Variants in METTL15 observed in about 807,000 individuals in gnomAD.
METTL15 encodes methyltransferase 15, mitochondrial 12S rRNA N4-cytidine.
In METTL15, 34 loss-of-function variants were observed where a neutral mutation model predicts 38.3. The observed-to-expected ratio is 0.89, with a 90% CI of 0.68 to 1.18. METTL15 has a LOEUF of 1.18. METTL15 is among the 50% of genes most tolerant of loss of function. The pLI is 0.00. For synonymous variants in METTL15, 162 were observed against 170.9 expected (o/e 0.95, Z 0.41); for missense variants, 438 against 498.4 (o/e 0.88, Z 1.15).
intron 4 of METTL15, among the ~76,000 whole-genome samples, chr11:28,353,318 ATGT>A (rs1850058213): frequency 6.6e-6 from 1 of 152,208 alleles, no homozygotes; most frequent in Non-Finnish European, 1.5e-5. Context: ...GAAGAGAAAA[ATGT>A]TGTTTGAGAA....
At position 28,526,053 on chromosome 11, in the gene METTL15, A is replaced by C. The variant is rs1030380666; in HGVS notation, c.*425-425A>C. ...GCAGCTGCTGGCCCGGGTGCTAAGC[A>C]CCTCACTGCCCAGGGCCACTCTGAG... On this transcript the variant is annotated intron_variant and NMD_transcript_variant, in intron 6 of 7. Transcript: ENST00000532947. Among the ~76,000 whole-genome samples, 12 of 152,220 alleles carry C rather than the reference A, an allele frequency of 7.9e-5. No homozygotes were observed. In the East Asian group the frequency reaches 2.3e-3, roughly 29 times the overall value.
chr11:28,241,579 G>T (rs1159198047), intron 4 of METTL15, among the ~76,000 whole-genome samples: 1 of 151,860 alleles, frequency 6.6e-6, no homozygotes, highest in Non-Finnish European at 1.5e-5. Context: ...AAGCAAAGGG[G>T]ATTGGGAACA....
At chr11:28,505,213 G>C (rs1022435997) in intron 6 of METTL15, among the ~76,000 whole-genome samples, 3 of 150,772 alleles carry the variant, frequency 2.0e-5, no homozygotes, top group Non-Finnish European at 4.4e-5. Context: ...TAGAGATTCG[G>C]GTATATTTTT....
Position 28,152,106 on chromosome 11 carries a change from G to C in METTL15, c.270+38502G>C, listed in dbSNP as rs551739507. On this transcript the variant is annotated intron_variant, in intron 3 of 6. Coordinates refer to ENST00000407364, the MANE Select transcript of METTL15 (RefSeq NM_001113528.2). ...TTTAGATTTTCCCTTCTGTCTCCTG[G>C]ACCACACCTGCTACTTTATATACAT... is the stretch of plus-strand genomic sequence containing the variant. Among the ~76,000 whole-genome samples, 3 of 152,006 alleles carry C rather than the reference G, an allele frequency of 2.0e-5. No individual in the cohort carries two copies. The South Asian group carries it at 6.2e-4, about 32-fold the overall frequency.
intron 4 of METTL15, among the ~76,000 whole-genome samples, chr11:28,278,871 G>A (rs552741099): frequency 4.6e-5 from 7 of 152,124 alleles, no homozygotes; most frequent in Non-Finnish European, 8.8e-5. Flanking sequence ...CTGTCACCCA[G>A]GCTTGAGTGC....
intron 6 of METTL15, among the ~76,000 whole-genome samples, chr11:28,483,307 G>A (rs557391464): frequency 2.0e-5 from 3 of 152,196 alleles, no homozygotes; most frequent in African/African-American, 2.4e-5. Context: ...GCCTGATGTC[G>A]GATATTTAGA....
intron 6 of METTL15, among the ~76,000 whole-genome samples, chr11:28,308,643 C>T (rs997967476): frequency 2.2e-4 from 33 of 152,096 alleles, no homozygotes; most frequent in South Asian, 1.2e-3. Context: ...TTATATGAGC[C>T]GGATGCACCC....
At chr11:28,425,195 C>A (rs1300851690) in intron 6 of METTL15, among the ~76,000 whole-genome samples, 1 of 152,190 alleles carries the variant, frequency 6.6e-6, no homozygotes, top group African/African-American at 2.4e-5. Flanking sequence ...AATTGGTTTT[C>A]TGTCCATCAA....
chr11:28,446,678 C>T (rs996068550), intron 6 of METTL15, among the ~76,000 whole-genome samples: 3 of 152,072 alleles, frequency 2.0e-5, no homozygotes, highest in Non-Finnish European at 4.4e-5. Context: ...GTTCCATAGA[C>T]CTGACTATCA....
intron 5 of METTL15, among the ~76,000 whole-genome samples, chr11:28,378,706 G>C (rs1850348915): frequency 6.6e-6 from 1 of 150,998 alleles, no homozygotes; most frequent in African/African-American, 2.4e-5. Context: ...TCTTGTGTTG[G>C]TATCAGGGTA....
chr11:28,333,999 C>A (rs897241786), downstream of METTL15, among the ~76,000 whole-genome samples: 1 of 151,614 alleles, frequency 6.6e-6, no homozygotes, highest in Non-Finnish European at 1.5e-5. Context: ...GTACTGCAGA[C>A]TTTTAAAAAA....
rs955687813 is a variant in METTL15, at chr11:28,290,480, A to C, written c.599+83A>C. 3.0e-6 allele frequency: 4 copies of C among 1,331,852 alleles called. No individual in the cohort carries two copies. The South Asian group carries it at 5.6e-5, about 19-fold the overall frequency. The allele number at this position is 1,331,852 out of a possible 1,614,324, so 82.5% of individuals were successfully genotyped here. A position where few individuals can be genotyped will look rare whatever the true frequency, so the allele number is the denominator to read the frequency against. On this transcript the variant is annotated intron_variant, in intron 5 of 6. Coordinates refer to ENST00000407364, the MANE Select transcript of METTL15 (RefSeq NM_001113528.2). ...CTGAATTTAATTTTTTTAAGACTAC[A>C]GAATTTCCATTACATGCCTACACCT...
chr11:28,371,992 C>T (rs1850248263), intron 5 of METTL15, among the ~76,000 whole-genome samples: 1 of 151,766 alleles, frequency 6.6e-6, no homozygotes, highest in African/African-American at 2.4e-5. Flanking sequence ...TTTCTCTCAC[C>T]TAACTTTTCT....
At chr11:28,299,228 A>G (rs1856836198) in intron 6 of METTL15, among the ~76,000 whole-genome samples, 2 of 152,084 alleles carry the variant, frequency 1.3e-5, no homozygotes, top group South Asian at 4.1e-4. Flanking sequence ...TATGTCCTAT[A>G]AGTTCTGGTT....
chr11:28,285,854 T>G (rs984714692), intron 4 of METTL15, among the ~76,000 whole-genome samples: 5 of 152,134 alleles, frequency 3.3e-5, no homozygotes, highest in Non-Finnish European at 7.4e-5. Flanking sequence ...TTCTTTCCCC[T>G]GACCCCAGGA....
At chr11:28,391,945 A>G (rs1324894800) in intron 5 of METTL15, among the ~76,000 whole-genome samples, 2 of 152,208 alleles carry the variant, frequency 1.3e-5, no homozygotes, top group South Asian at 2.1e-4. Flanking sequence ...CATGGCAACA[A>G]AAGCCAAAAT....
chr11:28,528,801 C>A (rs1851828338), downstream of METTL15, among the ~76,000 whole-genome samples: 1 of 152,142 alleles, frequency 6.6e-6, no homozygotes, highest in African/African-American at 2.4e-5. Flanking sequence ...CTTAACTGAG[C>A]ACTCTTTAAA....
At chr11:28,342,007 C>A (rs188590055) in intron 3 of METTL15, among the ~76,000 whole-genome samples, 105 of 152,216 alleles carry the variant, frequency 6.9e-4, no homozygotes, top group African/African-American at 2.3e-3. Context: ...AAAAAACATT[C>A]ATGAGAAAAG....
At chr11:28,417,404 C>G (rs1395716900) in intron 5 of METTL15, among the ~76,000 whole-genome samples, 1 of 152,120 alleles carries the variant, frequency 6.6e-6, no homozygotes, top group Non-Finnish European at 1.5e-5. Flanking sequence ...TTCAATAGTT[C>G]AGTAATATTG....
Sources: gnomAD v4.1 joint callset for allele counts (sites outside exome capture counted in the v4.1 genomes callset) on GRCh38, gnomAD v4.1.1 for gene constraint, MANE v1.5 for transcripts, NCBI Gene and HGNC (gene_info 2026-07-23, HGNC 2026-07-21) for gene names.